NDC80: variants seen among roughly 807,000 people sequenced by gnomAD.
NDC80 encodes kinetochore protein NDC80 homolog.
In NDC80, 69 loss-of-function variants were observed where a neutral mutation model predicts 89.3. The observed-to-expected ratio is 0.77, with a 90% confidence interval of 0.64 to 0.94. The LOEUF (loss-of-function observed/expected upper bound fraction) is 0.94, where lower values mean the gene tolerates loss of function less well. NDC80 is among the 40% of genes least tolerant of loss of function. The pLI, the probability that NDC80 is intolerant of heterozygous loss-of-function variation, is 0.00. For synonymous variants in NDC80, 243 were observed against 255.6 expected (o/e 0.95, Z 0.47); for missense variants, 593 against 739.6 (o/e 0.80, Z 2.30).
intron 10 of NDC80, among the ~76,000 whole-genome samples, chr18:2,591,366 T>C (rs2072626657): frequency 6.6e-6 from 1 of 152,180 alleles, no homozygotes; most frequent in African/African-American, 2.4e-5. Flanking sequence ...GGCTGTACTT[T>C]TAAAAATAAA....
At chr18:2,590,416 C>T (rs1337449321) in intron 10 of NDC80, among the ~76,000 whole-genome samples, 2 of 152,186 alleles carry the variant, frequency 1.3e-5, no homozygotes, top group Non-Finnish European at 2.9e-5. Flanking sequence ...TGCATCCCTC[C>T]AAGGACTCAG....
At chr18:2,598,132 G>A (rs2072666733) in intron 11 of NDC80, among the ~76,000 whole-genome samples, 2 of 151,998 alleles carry the variant, frequency 1.3e-5, no homozygotes. Flanking sequence ...ATGCATTTTT[G>A]GAAATTGCAA....
In NDC80 at chr18:2,575,037, TG is replaced by T. The variant is rs1314295353; in HGVS notation, c.151del (p.Glu51LysfsTer64). ...GKLSINKPTS[E>X]RKVSLFGKRT... is the part of the protein sequence containing the mutation. ...AGTTGAGTATAAACAAACCGACATC[TG>T]AAAGAAAAGTCTCGCTATTTGGCAA... On this transcript the variant is annotated frameshift_variant, in exon 3 of 17. Transcript: ENST00000261597. LOFTEE classifies it high-confidence loss of function. 2.5e-6 allele frequency: 4 copies of T among 1,612,064 alleles called. No individual in the cohort carries two copies. The African/African-American group carries it at 5.3e-5, about 22-fold the overall frequency.
intron 3 of NDC80, among the ~76,000 whole-genome samples, chr18:2,576,962 G>T (rs890043087): frequency 6.6e-6 from 1 of 152,040 alleles, no homozygotes; most frequent in African/African-American, 2.4e-5. Context: ...AAAAGTCTCT[G>T]CCATGAAACC....
chr18:2,590,239 C>T (rs992736448), intron 10 of NDC80, 77 bp downstream of exon 10: 88 of 1,382,254 alleles, frequency 6.4e-5, no homozygotes, highest in Admixed American at 4.3e-4. Flanking sequence ...GCTTTGTTAT[C>T]CATATCTTTT....
chr18:2,597,001 G>A (rs1346185212), intron 11 of NDC80, among the ~76,000 whole-genome samples: 2 of 151,932 alleles, frequency 1.3e-5, no homozygotes, highest in Non-Finnish European at 2.9e-5. Context: ...ACAGGAAGGG[G>A]AGCATCACAC....
At chr18:2,601,795 T>A (rs1297687627) in intron 13 of NDC80, among the ~76,000 whole-genome samples, 1 of 152,168 alleles carries the variant, frequency 6.6e-6, no homozygotes, top group Non-Finnish European at 1.5e-5. Context: ...TTCAAGTGGC[T>A]ACCTTGAAAG....
At chr18:2,592,086 T>A (rs1438842127) in intron 10 of NDC80, among the ~76,000 whole-genome samples, 1 of 152,174 alleles carries the variant, frequency 6.6e-6, no homozygotes, top group Non-Finnish European at 1.5e-5. Flanking sequence ...TAATACTTTA[T>A]CTTTCTTGTC....
At chr18:2,588,594 A>G (rs1002352513) in intron 8 of NDC80, among the ~76,000 whole-genome samples, 3 of 152,220 alleles carry the variant, frequency 2.0e-5, no homozygotes. Context: ...CAACAATGGA[A>G]TCAATCACTT....
At chr18:2,588,378 C>G (rs540402455) in intron 8 of NDC80, among the ~76,000 whole-genome samples, 6 of 151,554 alleles carry the variant, frequency 4.0e-5, no homozygotes, top group Non-Finnish European at 7.4e-5. Flanking sequence ...AAAAAGTTAA[C>G]AAGACATTAT....
intron 11 of NDC80, among the ~76,000 whole-genome samples, chr18:2,597,064 T>A (rs1441647575): frequency 6.6e-6 from 1 of 152,034 alleles, no homozygotes; most frequent in Non-Finnish European, 1.5e-5. Context: ...TTAGGAGATA[T>A]ACCTAATGCT....
intron 6 of NDC80, 41 bp downstream of exon 6, chr18:2,579,070 G>T (rs1206188280): frequency 4.8e-6 from 6 of 1,239,906 alleles, no homozygotes; most frequent in Non-Finnish European, 6.6e-6. Flanking sequence ...ATGGGAAAGG[G>T]TTTTTTTCCT....
At chr18:2,576,002 G>A (rs569362324) in intron 3 of NDC80, among the ~76,000 whole-genome samples, 11,084 of 152,246 alleles carry the variant, frequency 0.073, 516 homozygotes, top group South Asian at 0.15. Flanking sequence ...AAGAGGCTTA[G>A]GCAGGAGGTT....
At chr18:2,607,393 A>G (rs1395447978) in intron 14 of NDC80, among the ~76,000 whole-genome samples, 2 of 152,156 alleles carry the variant, frequency 1.3e-5, no homozygotes, top group Non-Finnish European at 2.9e-5. Flanking sequence ...TGAAATAAGG[A>G]CCTAGATAAG....
intron 9 of NDC80, 35 bp downstream of exon 9, chr18:2,589,345 T>A: frequency 6.9e-7 from 1 of 1,443,624 alleles, no homozygotes; most frequent in Non-Finnish European, 9.7e-7. Context: ...ACTTGAGAGC[T>A]CTTTTAGACT....
chr18:2,612,773 G>A (rs2072752381), intron 16 of NDC80, among the ~76,000 whole-genome samples: 1 of 152,116 alleles, frequency 6.6e-6, no homozygotes, highest in Non-Finnish European at 1.5e-5. Context: ...GGTGTTATTA[G>A]GAAAATTAGA....
chr18:2,591,155 G>A (rs984138523), intron 10 of NDC80, among the ~76,000 whole-genome samples: 168 of 152,242 alleles, frequency 1.1e-3, no homozygotes, highest in African/African-American at 3.9e-3. Context: ...CAAAATTAAA[G>A]CTGCAAGTAC....
chr18:2,580,116 TA>T (rs2072568791), intron 6 of NDC80, among the ~76,000 whole-genome samples: 1 of 152,152 alleles, frequency 6.6e-6, no homozygotes, highest in Non-Finnish European at 1.5e-5. Flanking sequence ...CTGATGGTTT[TA>T]ATAGTTGGCA....
At chr18:2,577,673 C>A in intron 3 of NDC80, 73 bp from the exon 4 acceptor site, 4 of 1,541,080 alleles carry the variant, frequency 2.6e-6, no homozygotes, top group Non-Finnish European at 3.5e-6. Flanking sequence ...AAATGCAAAA[C>A]TGCCTTGAAA....
Sources: allele counts gnomAD v4.1 joint callset (sites outside exome capture counted in the v4.1 genomes callset), GRCh38; gene constraint gnomAD v4.1.1; transcripts MANE v1.5; gene names NCBI Gene and HGNC (gene_info 2026-07-23, HGNC 2026-07-21).